YTHDF1: variants seen among roughly 807,000 people sequenced by gnomAD.
YTHDF1 encodes YTH domain-containing family protein 1.
A neutral mutation model predicts 49.1 loss-of-function variants in YTHDF1; 16 were observed. The observed-to-expected ratio is 0.33, with a 90% CI of 0.22 to 0.49. The LOEUF is 0.49. YTHDF1 is among the 20% of genes least tolerant of loss of function. The pLI is 0.99. For missense variants in YTHDF1, 621 were observed against 744.3 expected (o/e 0.83, Z 1.93); for synonymous variants, 313 against 290.1 (o/e 1.08, Z -0.80).
At chr20:63,213,160 G>A (rs2066583689) in intron 3 of YTHDF1, among the ~76,000 whole-genome samples, 1 of 152,226 alleles carries the variant, frequency 6.6e-6, no homozygotes, top group South Asian at 2.1e-4. Flanking sequence ...GGCTGGGCGC[G>A]GTGCCTCACG....
rs1259029078 is a variant in YTHDF1, at chr20:63,196,087, G to A, written c.*621C>T. 1.3e-5 allele frequency: 2 copies of A among 151,742 alleles called. No individual in the cohort carries two copies. Among genetic ancestry groups the A allele is most frequent in the Non-Finnish European group, 2.9e-5 (2 of 68,056 alleles). The allele number at this position is 151,742 out of a possible 1,614,324, so 9.4% of individuals were successfully genotyped here. ...GACACCAGGACAGTGAGGGACGGGT[G>A]GCTGTTCAGTGGGCAACAGATCTGG... On this transcript the variant is annotated 3_prime_UTR_variant, in exon 5 of 5. Transcript: ENST00000370339.
At chr20:63,214,664 A>G (rs2066592783) in intron 2 of YTHDF1, among the ~76,000 whole-genome samples, 1 of 152,186 alleles carries the variant, frequency 6.6e-6, no homozygotes, top group South Asian at 2.1e-4. Flanking sequence ...AAACGGCTGC[A>G]TTCTTTCGAG....
rs773239178 is a variant in YTHDF1 at position 63,203,577 on chromosome 20, A to C, written c.363T>G (p.Asn121Lys). ...AGAACGCAGGGTTTTCAGGGAAAAA[A>C]TTGAACCTGTGCTGATAGATGTTGT... ...LGNNIYQHRF[N>K]FFPENPAFSA... The change falls in exon 4 of 5, where the codon AAT becomes AAG. Residue 121 changes from asparagine to lysine, a missense_variant. Asn to Lys is a moderately conservative substitution (Grantham distance 94, BLOSUM62 0). This residue lies in a region of YTHDF1 where 470 missense variants were observed against 495.8 expected (regional missense o/e 0.95). Transcript: ENST00000370339. This position sits in a 1 kb window ranked among gnomAD's most constrained non-coding sequence, Gnocchi z 4.4. 6.2e-7 allele frequency: 1 copy of C among 1,614,122 alleles called. No homozygotes were observed. Among genetic ancestry groups the C allele is most frequent in the Non-Finnish European group, 8.5e-7 (1 of 1,180,020 alleles).
rs1292812855 is a variant in YTHDF1, at chr20:63,196,672, G to C, written c.*36C>G. ...ACACGTGTTTTAAACTGTTTTCAAA[G>C]TCAAACGTTAGAACATGTAAGAAAC... On this transcript the variant is annotated 3_prime_UTR_variant, in exon 5 of 5. Coordinates refer to ENST00000370339, the MANE Select transcript of YTHDF1 (RefSeq NM_017798.4). The C allele has an allele frequency of 1.9e-6, 3 of 1,613,220 alleles. No homozygotes were observed. In the East Asian group the frequency reaches 6.7e-5, roughly 36 times the overall value.
Position 63,203,951 on chromosome 20 carries a change from C to A in YTHDF1, c.133-144G>T, listed in dbSNP as rs907340352. 8.1e-6 allele frequency: 6 copies of A among 741,654 alleles called. No individual in the cohort carries two copies. The highest frequency in any genetic ancestry group is 6.1e-5 in the Admixed American group (2 of 32,694). The allele number at this position is 741,654 out of a possible 1,614,324, so 45.9% of individuals were successfully genotyped here. A position where few individuals can be genotyped will look rare whatever the true frequency, so the allele number is the denominator to read the frequency against. On this transcript the variant is annotated intron_variant, in intron 3 of 4. Coordinates refer to ENST00000370339, the MANE Select transcript of YTHDF1 (RefSeq NM_017798.4). This position sits in a 1 kb window ranked among gnomAD's most constrained non-coding sequence, Gnocchi z 4.4. Reference sequence around the variant, plus strand: ...CTCCTTCCAGAAAGAAAGCTGTAGTCGCCAATGTGAGAACCAAATCAAGAC... The same window carrying A: ...CTCCTTCCAGAAAGAAAGCTGTAGTAGCCAATGTGAGAACCAAATCAAGAC...
intron 3 of YTHDF1, among the ~76,000 whole-genome samples, chr20:63,213,292 C>T (rs2066584488): frequency 6.6e-6 from 1 of 152,192 alleles, no homozygotes; most frequent in Non-Finnish European, 1.5e-5. Context: ...ATTAGCTAGA[C>T]GTGGTAGTGG....
At chr20:63,200,406 T>G (rs1211605779) in intron 4 of YTHDF1, among the ~76,000 whole-genome samples, 1 of 151,938 alleles carries the variant, frequency 6.6e-6, no homozygotes, top group Non-Finnish European at 1.5e-5. Context: ...CAAACCAGGT[T>G]CTCATTTGTC....
At position 63,196,843 on chromosome 20, in the gene YTHDF1, G is replaced by A. The variant is rs750620275; in HGVS notation, c.1654-109C>T. The A allele has an allele frequency of 6.9e-5, 92 of 1,329,758 alleles. No individual in the cohort carries two copies. The Middle Eastern group carries it at 3.9e-3, about 56-fold the overall frequency. 82.4% of individuals were successfully genotyped at this position (1,329,758 alleles called of 1,614,324 possible). A position where few individuals can be genotyped will look rare whatever the true frequency, so the allele number is the denominator to read the frequency against. Reference sequence around the variant, plus strand: ...TAGCAGCACCTGCAAATCTGGAGGCGGGACCCTGAATGGTACCCAAGCCAC... The same window carrying A: ...TAGCAGCACCTGCAAATCTGGAGGCAGGACCCTGAATGGTACCCAAGCCAC... On this transcript the variant is annotated intron_variant, in intron 4 of 4. Coordinates refer to ENST00000370339, the MANE Select transcript of YTHDF1 (RefSeq NM_017798.4).
At chr20:63,209,647 G>C (rs1227380489) in intron 3 of YTHDF1, among the ~76,000 whole-genome samples, 1 of 152,258 alleles carries the variant, frequency 6.6e-6, no homozygotes, top group East Asian at 1.9e-4. Context: ...TTGGGCCCAG[G>C]AGGTCAAGGC....
At chr20:63,197,446 T>C (rs1038153671) in intron 4 of YTHDF1, among the ~76,000 whole-genome samples, 1 of 152,238 alleles carries the variant, frequency 6.6e-6, no homozygotes, top group Non-Finnish European at 1.5e-5. Context: ...ACACACAAGC[T>C]TGAGACTTAC....
At chr20:63,209,992 A>G (rs2066566429) in intron 3 of YTHDF1, among the ~76,000 whole-genome samples, 1 of 152,220 alleles carries the variant, frequency 6.6e-6, no homozygotes, top group Non-Finnish European at 1.5e-5. Context: ...AAGTAGTAAC[A>G]GTCGTTTATC....
Position 63,202,933 on chromosome 20 carries a change from G to A in YTHDF1, c.1007C>T (p.Ala336Val), listed in dbSNP as rs201633524. 3.5e-4 allele frequency: 566 copies of A among 1,614,076 alleles called. 7 individuals carry two copies. In the South Asian group the frequency reaches 4.3e-3, roughly 12 times the overall value. The change falls in exon 4 of 5, where the codon GCG becomes GTG. Residue 336 changes from alanine to valine, a missense_variant. Ala to Val is a moderately conservative substitution (Grantham distance 64). Around this residue, in one of 2 missense-constraint regions of YTHDF1, gnomAD observed 470 missense variants for 495.8 expected, o/e 0.95. Coordinates refer to ENST00000370339, the MANE Select transcript of YTHDF1 (RefSeq NM_017798.4). ...TRWVAPRNRN[A>V]AFGQSGGAGS... is the part of the protein sequence containing the mutation. ...AGCCCCTCCGCTCTGCCCAAACGCCGCGTTTCTGTTGCGTGGGGCAACCCA... is the reference window on the plus strand; with the variant it reads ...AGCCCCTCCGCTCTGCCCAAACGCCACGTTTCTGTTGCGTGGGGCAACCCA...
At chr20:63,215,695 C>A in intron 1 of YTHDF1, 94 bp from the exon 2 acceptor site, 2 of 1,448,328 alleles carry the variant, frequency 1.4e-6, no homozygotes, top group Non-Finnish European at 1.8e-6. Flanking sequence ...TCCAACGGGC[C>A]GCGAGCTCCG....
chr20:63,212,004 C>T (rs1263491747), intron 3 of YTHDF1, among the ~76,000 whole-genome samples: 3 of 132,718 alleles, frequency 2.3e-5, no homozygotes, highest in Non-Finnish European at 4.9e-5. Context: ...CACACACACA[C>T]ACACTTTTAA....
At position 63,204,844 on chromosome 20, in the gene YTHDF1, C is replaced by T. The variant is rs376431659; in HGVS notation, c.133-1037G>A. 5.9e-5 allele frequency among the ~76,000 whole-genome samples: 9 copies of T among 152,142 alleles called. No individual in the cohort carries two copies. The East Asian group carries it at 1.6e-3, about 26-fold the overall frequency. On this transcript the variant is annotated intron_variant, in intron 3 of 4. Transcript: ENST00000370339. ...GGAGAGACTCAACTAAGGGTCTGGT[C>T]ATGATTGGGTCCCTCCAACACTGCC... is the stretch of plus-strand genomic sequence containing the variant.
intron 3 of YTHDF1, among the ~76,000 whole-genome samples, chr20:63,205,090 G>A (rs968713232): frequency 6.6e-6 from 1 of 151,762 alleles, no homozygotes; most frequent in Non-Finnish European, 1.5e-5. Flanking sequence ...CCCGCTCCCC[G>A]CCCCCCAGTC....
chr20:63,197,358 C>T (rs1334323478), intron 4 of YTHDF1, among the ~76,000 whole-genome samples: 1 of 152,176 alleles, frequency 6.6e-6, no homozygotes, highest in Admixed American at 6.5e-5. Context: ...CACGGCTAGA[C>T]TGGCTCAAGG....
Position 63,213,428 on chromosome 20 carries a change from G to A in YTHDF1, c.132+436C>T, listed in dbSNP as rs546894788. 3.3e-5 allele frequency among the ~76,000 whole-genome samples: 5 copies of A among 152,286 alleles called. No individual in the cohort carries two copies. The South Asian group carries it at 6.2e-4, about 19-fold the overall frequency. ...GCCTGGGTGGCAAGAGTGAGACGCT[G>A]TCTCAAAAAAAGGACTGAAACCCAG... On this transcript the variant is annotated intron_variant, in intron 3 of 4. Coordinates refer to ENST00000370339, the MANE Select transcript of YTHDF1 (RefSeq NM_017798.4).
At chr20:63,196,763 G>A (rs768881861) in intron 4 of YTHDF1, 29 bp from the exon 5 acceptor site, 35 of 1,613,394 alleles carry the variant, frequency 2.2e-5, no homozygotes, top group South Asian at 3.3e-5. Context: ...AAAGTTGAAC[G>A]CAGAGTAACC....
Sources: gnomAD v4.1 joint callset for allele counts (sites outside exome capture counted in the v4.1 genomes callset) on GRCh38, gnomAD v4.1.1 for gene constraint, gnomAD v4.1.1 regional missense constraint, Gnocchi (gnomAD v3.1) non-coding constraint, MANE v1.5 for transcripts, NCBI Gene and HGNC (gene_info 2026-07-23, HGNC 2026-07-21) for gene names.